ABCB5: variants seen among roughly 807,000 people sequenced by gnomAD.
ABCB5 encodes the protein ATP-binding cassette sub-family B member 5.
In ABCB5, 155 loss-of-function variants were observed where a neutral mutation model predicts 144.2. The observed-to-expected ratio is 1.08, with a 90% CI of 0.94 to 1.23. ABCB5 has a LOEUF of 1.23. Ranked by LOEUF, ABCB5 falls within the 50% of genes most tolerant of loss-of-function variation. The pLI is 0.00. For synonymous variants in ABCB5, 610 were observed against 528.6 expected (o/e 1.15, Z -2.11); for missense variants, 1,830 against 1,520.8 (o/e 1.20, Z -3.38).
In ABCB5 at chr7:20,675,057, A is replaced by G. The variant is rs1398880349; in HGVS notation, c.1708-6448A>G. 3.3e-5 allele frequency among the ~76,000 whole-genome samples: 5 copies of G among 152,016 alleles called. No homozygotes were observed. The East Asian group carries it at 9.6e-4, about 29-fold the overall frequency. On this transcript the variant is annotated intron_variant, in intron 14 of 27. Transcript: ENST00000404938. ...GAACTGGAAGACTTGATATTGTTAA[A>G]TGTCAATACTACCCAAAGCAATCTA...
Position 20,755,744 on chromosome 7 carries a change from C to A in ABCB5, c.*120C>A. The A allele has an allele frequency of 2.2e-6, 2 of 917,640 alleles. No individual in the cohort carries two copies. The highest frequency in any genetic ancestry group is 3.3e-6 in the Non-Finnish European group (2 of 607,382). 56.8% of individuals were successfully genotyped at this position (917,640 alleles called of 1,614,324 possible). ...TATCAATACCTAGAATCATGCTACT[C>A]AAGTACATACATGTTCTATTCACAC... On this transcript the variant is annotated 3_prime_UTR_variant, in exon 28 of 28. Transcript: ENST00000404938.
At chr7:20,730,593 C>A (rs977691636) in intron 23 of ABCB5, among the ~76,000 whole-genome samples, 1 of 152,158 alleles carries the variant, frequency 6.6e-6, no homozygotes, top group Non-Finnish European at 1.5e-5. Flanking sequence ...TGCACTATTG[C>A]CCATGTGAAT....
At chr7:20,702,954 T>C (rs1786685524) in intron 19 of ABCB5, among the ~76,000 whole-genome samples, 1 of 151,872 alleles carries the variant, frequency 6.6e-6, no homozygotes, top group Admixed American at 6.6e-5. Context: ...TTCATATATA[T>C]TGCCTATGCT....
intron 14 of ABCB5, among the ~76,000 whole-genome samples, chr7:20,666,045 G>A (rs186625772): frequency 1.1e-3 from 170 of 151,890 alleles, no homozygotes; most frequent in African/African-American, 3.9e-3. Flanking sequence ...TGGCACATGC[G>A]TGCAATCCCA....
chr7:20,654,875 A>G (rs1274656392), intron 13 of ABCB5, among the ~76,000 whole-genome samples: 1 of 152,132 alleles, frequency 6.6e-6, no homozygotes, highest in African/African-American at 2.4e-5. Context: ...CGGAAAAGAA[A>G]AAAGATCTAC....
In ABCB5 at chr7:20,710,059, T is replaced by TA. The variant is rs111972230; in HGVS notation, c.2421+5264dup. On this transcript the variant is annotated intron_variant, in intron 20 of 27. Transcript: ENST00000404938. ...CATCCTGGGCGACAGAGCAAGACTC[T>TA]AAAAAAAAAAAAGAAAAAAAATAGG... Among the ~76,000 whole-genome samples, 141 of 126,360 alleles carry TA rather than the reference T, an allele frequency of 1.1e-3. 1 individual carries two copies. The highest frequency in any genetic ancestry group is 1.5e-3 in the African/African-American group (50 of 34,020). The allele number at this position is 126,360 out of a possible 152,430, so 82.9% of individuals were successfully genotyped here. A position where few individuals can be genotyped will look rare whatever the true frequency, so the allele number is the denominator to read the frequency against.
At chr7:20,676,015 TA>T (rs1479775925) in intron 14 of ABCB5, among the ~76,000 whole-genome samples, 1 of 151,830 alleles carries the variant, frequency 6.6e-6, no homozygotes, top group Non-Finnish European at 1.5e-5. Flanking sequence ...AATAAATAAA[TA>T]AATAAGTGTT....
chr7:20,658,541 A>T lies in ABCB5; in HGVS notation c.1572A>T (p.Gln524His), dbSNP rs112064254. Residue 524 changes from glutamine (Q) to histidine (H), a missense_variant, in exon 14 of 28, where the codon CAA becomes CAT. Gln to His is a conservative substitution (Grantham distance 24, BLOSUM62 0). Transcript: ENST00000404938. Reference protein sequence around the residue: ...FNTLVGEKGAQMSGGQKQRIA... With the variant: ...FNTLVGEKGAHMSGGQKQRIA... ...CATTGGTAGGGGAAAAAGGAGCTCAAATGAGTGGAGGGCAGAAACAGAGGA... is the reference window on the plus strand; with the variant it reads ...CATTGGTAGGGGAAAAAGGAGCTCATATGAGTGGAGGGCAGAAACAGAGGA... The T allele has an allele frequency of 1.2e-6, 2 of 1,614,146 alleles. No homozygotes were observed. The highest frequency in any genetic ancestry group is 1.7e-6 in the Non-Finnish European group (2 of 1,180,022).
intron 14 of ABCB5, among the ~76,000 whole-genome samples, chr7:20,664,266 G>A (rs1404561374): frequency 6.6e-6 from 1 of 152,082 alleles, no homozygotes; most frequent in Non-Finnish European, 1.5e-5. Context: ...CACTCACACT[G>A]TCTTCTTGGG....
chr7:20,745,145 T>TG, intron 25 of ABCB5, 87 bp from the exon 26 acceptor site: 2 of 1,318,820 alleles, frequency 1.5e-6, no homozygotes, highest in Non-Finnish European at 2.2e-6. Context: ...CTTCTTGTTA[T>TG]GATTTGTGTG....
chr7:20,639,267 A>T (rs572880688), intron 5 of ABCB5, among the ~76,000 whole-genome samples: 1 of 152,258 alleles, frequency 6.6e-6, no homozygotes, highest in Admixed American at 6.5e-5. Context: ...TCTTTGTTGG[A>T]TATACAATTG....
At chr7:20,740,871 C>T (rs1328754509) in intron 24 of ABCB5, among the ~76,000 whole-genome samples, 4 of 152,054 alleles carry the variant, frequency 2.6e-5, no homozygotes, top group African/African-American at 4.8e-5. Context: ...CTTTGGGAGG[C>T]TGAGACGGGC....
At chr7:20,745,591 G>A (rs566261335) in intron 26 of ABCB5, among the ~76,000 whole-genome samples, 153 bp downstream of exon 26, 4 of 152,178 alleles carry the variant, frequency 2.6e-5, no homozygotes, top group African/African-American at 7.2e-5. Flanking sequence ...AGTCAGATGC[G>A]AAAAACCAAG....
intron 19 of ABCB5, among the ~76,000 whole-genome samples, chr7:20,702,655 ATT>A (rs34454519): frequency 0.56 from 64,837 of 116,536 alleles, 17,727 homozygotes; most frequent in East Asian, 0.83. Context: ...CATATAATGG[ATT>A]TTTTTTTTTT....
chr7:20,734,539 G>A (rs979867862), intron 23 of ABCB5, among the ~76,000 whole-genome samples: 1 of 151,284 alleles, frequency 6.6e-6, no homozygotes, highest in Non-Finnish European at 1.5e-5. Context: ...TTTCAAAAAT[G>A]ACATTGTGTC....
Position 20,737,445 on chromosome 7 carries a change from C to G in ABCB5, c.2868-1538C>G, listed in dbSNP as rs145230870. On this transcript the variant is annotated intron_variant, in intron 23 of 27. Transcript: ENST00000404938. ...CTGAGTTGAAGGCCCTTCTCCCTTT[C>G]TCATTAATATTTCCATTTTCAGAGG... 1.8e-3 allele frequency among the ~76,000 whole-genome samples: 281 copies of G among 152,328 alleles called. 1 individual carries two copies. The Middle Eastern group carries it at 0.044, about 24-fold the overall frequency.
At chr7:20,738,919 T>C (rs1782472569) in intron 23 of ABCB5, 64 bp from the exon 24 acceptor site, 3 of 1,471,336 alleles carry the variant, frequency 2.0e-6, no homozygotes, top group Non-Finnish European at 2.7e-6. Flanking sequence ...TCTTTACTTT[T>C]AGAGTTCTAC....
Position 20,754,834 on chromosome 7 carries a change from T to G in ABCB5, c.3577-593T>G, listed in dbSNP as rs77471853. The stretch of plus-strand genomic sequence containing the variant: ...ATACTACTATAATTCTACTTAGAAA[T>G]ACTACTTCCTGACTGTGAGTTTAGA... On this transcript the variant is annotated intron_variant, in intron 27 of 27. Transcript: ENST00000404938. Among the ~76,000 whole-genome samples, 3,139 of 152,328 alleles carry G rather than the reference T, an allele frequency of 0.021. 193 individuals are homozygous for G. In the East Asian group the frequency reaches 0.22, roughly 10 times the overall value.
At chr7:20,681,018 CTTTCTTTCTT>C (rs1785786980) in intron 14 of ABCB5, among the ~76,000 whole-genome samples, 1 of 12,504 alleles carries the variant, frequency 8.0e-5, no homozygotes, top group African/African-American at 2.5e-4. Flanking sequence ...TTCTTTCTTT[CTTTCTTTCTT>C]TCTTTCTCTT....
Sources: allele counts gnomAD v4.1 joint callset (sites outside exome capture counted in the v4.1 genomes callset), GRCh38; gene constraint gnomAD v4.1.1; transcripts MANE v1.5; gene names NCBI Gene and HGNC (gene_info 2026-07-23, HGNC 2026-07-21).